The following AK5 variants were observed in gnomAD, a reference collection of about 807,000 sequenced individuals.
The protein encoded by AK5 is adenylate kinase isoenzyme 5.
In AK5, 27 loss-of-function variants were observed where a neutral mutation model predicts 69.5. That is an observed-to-expected ratio of 0.39 (90% CI 0.29 to 0.54). AK5 has a LOEUF of 0.54. Ranked by LOEUF, AK5 falls within the 20% of genes least tolerant of loss-of-function variation. AK5 has a pLI of 0.71. For missense variants in AK5, 531 were observed against 700.4 expected, an observed-to-expected ratio of 0.76 and a Z score of 2.73; for synonymous variants, 260 against 244.4, an observed-to-expected ratio of 1.06 and a Z score of -0.60.
intron 5 of AK5, among the ~76,000 whole-genome samples, chr1:77,311,916 G>A (rs748115294): frequency 6.6e-6 from 1 of 152,256 alleles, no homozygotes; most frequent in East Asian, 1.9e-4. Context: ...GTCAGCTGGA[G>A]TCCTGGGACA....
chr1:77,323,818 G>C (rs80311937), intron 5 of AK5, among the ~76,000 whole-genome samples: 2,793 of 152,146 alleles, frequency 0.018, 82 homozygotes, highest in African/African-American at 0.063. Flanking sequence ...CACACACACA[G>C]AGAAAGAAAT....
Position 77,416,230 on chromosome 1 carries a change from C to T in AK5, c.983-1409C>T, listed in dbSNP as rs536352344. 5.3e-5 allele frequency among the ~76,000 whole-genome samples: 8 copies of T among 152,182 alleles called. No homozygotes were observed. The East Asian group carries it at 7.7e-4, about 15-fold the overall frequency. ...GTATAATCCCACTAATGTTAAAATA[C>T]ATATGTAAATTAAAGTTTCCCACCT... On this transcript the variant is annotated intron_variant, in intron 7 of 13. Coordinates refer to ENST00000354567, the MANE Select transcript of AK5 (RefSeq NM_174858.3).
intron 8 of AK5, among the ~76,000 whole-genome samples, chr1:77,453,755 A>G (rs1653304773): frequency 6.6e-6 from 1 of 152,248 alleles, no homozygotes; most frequent in African/African-American, 2.4e-5. Flanking sequence ...CTCACAAAGA[A>G]GATGAGGCCA....
intron 6 of AK5, 122 bp downstream of exon 6, chr1:77,340,690 C>T (rs1661610326): frequency 4.3e-6 from 3 of 700,596 alleles, no homozygotes; most frequent in Non-Finnish European, 6.3e-6. Flanking sequence ...GGTACAGAAC[C>T]AATGGAAAAA....
At chr1:77,313,895 G>A (rs770302044) in intron 5 of AK5, 6 of 530,628 alleles carry the variant, frequency 1.1e-5, no homozygotes, top group South Asian at 8.5e-5. Context: ...TCTCCCTAAA[G>A]ACACAGCCTG....
intron 8 of AK5, among the ~76,000 whole-genome samples, chr1:77,430,128 T>A (rs1245985629): frequency 2.5e-5 from 3 of 121,766 alleles, no homozygotes; most frequent in African/African-American, 5.6e-5. Flanking sequence ...ATCTATGGAG[T>A]TCAAAAAAAA....
chr1:77,538,352 A>C (rs1326694700), intron 13 of AK5, among the ~76,000 whole-genome samples: 2 of 151,038 alleles, frequency 1.3e-5, no homozygotes, highest in Admixed American at 6.6e-5. Flanking sequence ...AAAAAACAAC[A>C]ACAACAACAA....
At chr1:77,464,375 G>A (rs1041500871) in intron 8 of AK5, among the ~76,000 whole-genome samples, 1 of 152,150 alleles carries the variant, frequency 6.6e-6, no homozygotes, top group Non-Finnish European at 1.5e-5. Context: ...GAGTTTTTCC[G>A]GAGACCTCCT....
At chr1:77,349,691 A>G (rs943108118) in intron 6 of AK5, 2 of 152,262 alleles carry the variant, frequency 1.3e-5, no homozygotes, top group Admixed American at 6.5e-5. Flanking sequence ...TAATTAAGAT[A>G]AATCATAAAA....
At chr1:77,395,993 T>A (rs1648804510) in intron 6 of AK5, among the ~76,000 whole-genome samples, 1 of 152,212 alleles carries the variant, frequency 6.6e-6, no homozygotes, top group African/African-American at 2.4e-5. Flanking sequence ...GATTCTGAAC[T>A]TGCTGAGTTC....
At chr1:77,488,191 A>G (rs893468498) in intron 10 of AK5, among the ~76,000 whole-genome samples, 6 of 152,216 alleles carry the variant, frequency 3.9e-5, no homozygotes, top group African/African-American at 1.4e-4. Flanking sequence ...GCTTACCTCT[A>G]GCTGACCTTA....
At chr1:77,535,634 GA>G (rs1658917996) in intron 12 of AK5, among the ~76,000 whole-genome samples, 1 of 152,152 alleles carries the variant, frequency 6.6e-6, no homozygotes, top group Non-Finnish European at 1.5e-5. Flanking sequence ...CCTAAAAGCT[GA>G]GGGCAAGAGA....
At position 77,539,434 on chromosome 1, in the gene AK5, C is replaced by T. The variant is rs148722671; in HGVS notation, c.1620+3396C>T. 3.7e-3 allele frequency among the ~76,000 whole-genome samples: 564 copies of T among 152,312 alleles called. 4 individuals carry two copies. Among genetic ancestry groups the T allele is most frequent in the African/African-American group, 0.012 (514 of 41,558 alleles). ...GCAGCGTGAGCTTCAGCCTTCAGGACTCCCAGAGAGTCTCAGGGAGGCTGC... is the reference window on the plus strand; with the variant it reads ...GCAGCGTGAGCTTCAGCCTTCAGGATTCCCAGAGAGTCTCAGGGAGGCTGC... On this transcript the variant is annotated intron_variant, in intron 13 of 13. Transcript: ENST00000354567.
chr1:77,521,879 C>T lies in AK5; in HGVS notation c.1364C>T (p.Thr455Ile). ...KEAMVASLGD[T>I]RGFLIDGYPR... ...GCCATGGTGGCCAGCCTCGGGGACA[C>T]CAGGGGCTTCCTGATTGACGGCTAT... is the stretch of plus-strand genomic sequence containing the variant. Residue 455 changes from threonine (T) to isoleucine (I), a missense_variant, in exon 12 of 14, where the codon ACC becomes ATC. Transcript: ENST00000354567. 1 of 1,613,604 alleles carries T rather than the reference C, an allele frequency of 6.2e-7. No individual in the cohort carries two copies.
At chr1:77,477,613 A>ACATTACATTCCTTAG (rs1218078552) in intron 8 of AK5, among the ~76,000 whole-genome samples, 1 of 152,136 alleles carries the variant, frequency 6.6e-6, no homozygotes, top group Non-Finnish European at 1.5e-5. Flanking sequence ...TCCTTACATT[A>ACATTACATTCCTTAG]TCTTAGAGAC....
chr1:77,393,887 A>G (rs1174729086), intron 6 of AK5, among the ~76,000 whole-genome samples: 1 of 152,114 alleles, frequency 6.6e-6, no homozygotes, highest in Non-Finnish European at 1.5e-5. Context: ...TGATATTATT[A>G]AGAAACTGAT....
intron 8 of AK5, among the ~76,000 whole-genome samples, chr1:77,465,339 G>C (rs888119192): frequency 6.6e-6 from 1 of 151,864 alleles, no homozygotes; most frequent in Non-Finnish European, 1.5e-5. Flanking sequence ...GTCTGTTCTT[G>C]AGTTACCATG....
At chr1:77,520,248 C>T (rs895087012) in intron 11 of AK5, among the ~76,000 whole-genome samples, 2 of 151,188 alleles carry the variant, frequency 1.3e-5, no homozygotes, top group Non-Finnish European at 2.9e-5. Context: ...TCTGGGAATG[C>T]AGCCCAGTAG....
Position 77,368,320 on chromosome 1 carries a change from A to T in AK5, c.891+27752A>T, listed in dbSNP as rs970599444. On this transcript the variant is annotated intron_variant, in intron 6 of 13. Coordinates refer to ENST00000354567, the MANE Select transcript of AK5 (RefSeq NM_174858.3). ...TATATATAATATATATGTTATATAT[A>T]ATATATATGTTATATATGTTATATA... Among the ~76,000 whole-genome samples the T allele has an allele frequency of 6.7e-3, 816 of 121,946 alleles. 2 individuals carry two copies. Among genetic ancestry groups the T allele is most frequent in the African/African-American group, 0.01 (303 of 29,298 alleles). The allele number at this position is 121,946 out of a possible 152,430, so 80.0% of individuals were successfully genotyped here.
Sources: allele counts gnomAD v4.1 joint callset (sites outside exome capture counted in the v4.1 genomes callset), GRCh38; gene constraint gnomAD v4.1.1; transcripts MANE v1.5; gene names NCBI Gene and HGNC (gene_info 2026-07-23, HGNC 2026-07-21).